Variants in SWAP70 observed in about 807,000 individuals in gnomAD.
The protein encoded by SWAP70 is switch-associated protein 70.
Under a neutral mutation model 80.2 loss-of-function variants are expected in SWAP70, and 34 were observed. That is an observed-to-expected ratio of 0.42 (90% CI 0.32 to 0.56). The LOEUF (loss-of-function observed/expected upper bound fraction) is 0.56, where lower values mean the gene tolerates loss of function less well. Ranked by LOEUF, SWAP70 falls within the 20% of genes least tolerant of loss-of-function variation. SWAP70 has a pLI of 0.09. For missense variants in SWAP70, 578 were observed against 690.7 expected (o/e 0.84, Z 1.83); for synonymous variants, 239 against 238.5 (o/e 1.00, Z -0.02).
intron 2 of SWAP70, among the ~76,000 whole-genome samples, chr11:9,705,612 G>A (rs944230861): frequency 7.0e-6 from 1 of 143,662 alleles, no homozygotes; most frequent in Admixed American, 6.7e-5. Flanking sequence ...GTATGCACTG[G>A]TGATCTGTAT....
intron 1 of SWAP70, among the ~76,000 whole-genome samples, chr11:9,692,149 G>A (rs1850704448): frequency 6.6e-6 from 1 of 151,512 alleles, no homozygotes; most frequent in African/African-American, 2.4e-5. Context: ...GCAGGTTAAT[G>A]TAGAAGAAAA....
intron 1 of SWAP70, among the ~76,000 whole-genome samples, chr11:9,690,462 C>T (rs1048550560): frequency 5.9e-5 from 9 of 151,874 alleles, no homozygotes; most frequent in Non-Finnish European, 1.3e-4. Context: ...CCTGTAATTC[C>T]GCTACTTGGG....
intron 2 of SWAP70, among the ~76,000 whole-genome samples, chr11:9,700,635 A>G (rs751813458): frequency 1.3e-5 from 2 of 152,208 alleles, no homozygotes; most frequent in African/African-American, 2.4e-5. Context: ...AGTGATAGGT[A>G]GATTTTTGAA....
intron 10 of SWAP70, among the ~76,000 whole-genome samples, chr11:9,748,703 A>AG (rs34552339): frequency 0.72 from 109,530 of 152,066 alleles, 39,841 homozygotes; most frequent in African/African-American, 0.83. Flanking sequence ...CCAGCTAGTG[A>AG]GGAGAATTAT....
chr11:9,714,674 G>A (rs1372860891), intron 3 of SWAP70, among the ~76,000 whole-genome samples: 2 of 152,112 alleles, frequency 1.3e-5, no homozygotes, highest in African/African-American at 4.8e-5. Flanking sequence ...AGCAACAGTA[G>A]GCAGTGTTTT....
intron 1 of SWAP70, among the ~76,000 whole-genome samples, chr11:9,679,590 C>G (rs929589594): frequency 5.3e-5 from 8 of 152,188 alleles, no homozygotes; most frequent in African/African-American, 1.9e-4. Flanking sequence ...GTAGATCAGA[C>G]TACATTGGAA....
intron 1 of SWAP70, among the ~76,000 whole-genome samples, chr11:9,691,029 C>T (rs1850691688): frequency 6.6e-6 from 1 of 152,092 alleles, no homozygotes. Flanking sequence ...CTCAGCCTCC[C>T]ATCTCAGCCT....
intron 7 of SWAP70, among the ~76,000 whole-genome samples, chr11:9,736,436 T>G (rs562249565): frequency 7.9e-6 from 1 of 126,778 alleles, no homozygotes; most frequent in South Asian, 2.3e-4. Context: ...CATAATTTCT[T>G]GTAGAAAACT....
chr11:9,724,185 G>A (rs1851177361), intron 3 of SWAP70, among the ~76,000 whole-genome samples: 1 of 152,206 alleles, frequency 6.6e-6, no homozygotes, highest in Admixed American at 6.5e-5. Context: ...CAACATTGTA[G>A]TGTTCCAGTG....
rs1851424133 is a variant in SWAP70 at position 9,740,603 on chromosome 11, T to C, written c.1355+256T>C. The stretch of plus-strand genomic sequence containing the variant: ...TTTTAGAGCAGTCTGGTAGGTATGT[T>C]TGATGAGGTACCCTTAGTCTTATTC... On this transcript the variant is annotated intron_variant, in intron 9 of 11. Transcript: ENST00000318950. 3 of 490,252 alleles carry C rather than the reference T, an allele frequency of 6.1e-6. No individual in the cohort carries two copies. The East Asian group carries it at 1.2e-4, about 19-fold the overall frequency. The allele number at this position is 490,252 out of a possible 1,614,324, so 30.4% of individuals were successfully genotyped here.
intron 8 of SWAP70, among the ~76,000 whole-genome samples, chr11:9,738,577 A>G (rs1851394604): frequency 2.0e-5 from 3 of 151,814 alleles, no homozygotes; most frequent in Admixed American, 2.0e-4. Context: ...CTAAGTGGAA[A>G]TTTATGGAGC....
At chr11:9,720,210 C>T (rs1363947096) in intron 3 of SWAP70, 5 of 985,170 alleles carry the variant, frequency 5.1e-6, no homozygotes, top group Non-Finnish European at 6.0e-6. Flanking sequence ...GGTTATGATA[C>T]GTATATGATT....
rs781537254 is a variant in SWAP70, at chr11:9,694,169, G to T, written c.123G>T (p.Thr41=). The change falls in exon 2 of 12, where the codon ACG becomes ACT. Residue 41 remains threonine, a synonymous_variant. Transcript: ENST00000318950. ...QLKVLSHNLC[T]VLKVPHDPVA... Reference sequence around the variant, plus strand: ...AGGTCCTTTCCCATAACCTGTGCACGGTGCTGAAGGTTCCTCATGACCCAG... The same window carrying T: ...AGGTCCTTTCCCATAACCTGTGCACTGTGCTGAAGGTTCCTCATGACCCAG... 1 of 1,609,032 alleles carries T rather than the reference G, an allele frequency of 6.2e-7. No homozygotes were observed. Among genetic ancestry groups the T allele is most frequent in the African/African-American group, 1.3e-5 (1 of 74,658 alleles).
intron 10 of SWAP70, 76 bp downstream of exon 10, chr11:9,748,132 T>C (rs1417280284): frequency 7.0e-7 from 1 of 1,421,032 alleles, no homozygotes; most frequent in African/African-American, 1.4e-5. Context: ...ATTATTTGCT[T>C]AGCTGCCAAT....
intron 4 of SWAP70, among the ~76,000 whole-genome samples, chr11:9,726,020 C>T (rs1448473499): frequency 6.6e-6 from 1 of 151,590 alleles, no homozygotes; most frequent in East Asian, 2.0e-4. Flanking sequence ...GTAGAGCTGT[C>T]AGGAAGGTGC....
At position 9,702,933 on chromosome 11, in the gene SWAP70, G is replaced by A. The variant is rs185081473; in HGVS notation, c.240+8647G>A. Among the ~76,000 whole-genome samples the A allele has an allele frequency of 2.7e-3, 405 of 152,226 alleles. 1 individual carries two copies. Among genetic ancestry groups the A allele is most frequent in the Non-Finnish European group, 4.4e-3 (296 of 68,010 alleles). On this transcript the variant is annotated intron_variant, in intron 2 of 11. Coordinates refer to ENST00000318950, the MANE Select transcript of SWAP70 (RefSeq NM_015055.4). ...TGTTTTTTAAAGTAACAGTTTTATT[G>A]AGATATAAATTACATACCATACAAT...
At chr11:9,671,383 T>A (rs1210711217) in intron 1 of SWAP70, among the ~76,000 whole-genome samples, 1 of 107,236 alleles carries the variant, frequency 9.3e-6, no homozygotes, top group Non-Finnish European at 1.7e-5. Flanking sequence ...AAAATAAAAA[T>A]ATATAAATAT....
intron 3 of SWAP70, chr11:9,720,022 T>G: frequency 1.0e-6 from 1 of 977,580 alleles, no homozygotes; most frequent in Non-Finnish European, 1.2e-6. Flanking sequence ...GAAACTTGCT[T>G]GGAAGGAGGA....
At chr11:9,665,799 C>T (rs573351253) in intron 1 of SWAP70, among the ~76,000 whole-genome samples, 6 of 152,154 alleles carry the variant, frequency 3.9e-5, no homozygotes, top group South Asian at 2.1e-4. Flanking sequence ...ATTTCCAGTT[C>T]GGGGGAGTTA....
Sources: allele counts gnomAD v4.1 joint callset (sites outside exome capture counted in the v4.1 genomes callset), GRCh38; gene constraint gnomAD v4.1.1; transcripts MANE v1.5; gene names NCBI Gene and HGNC (gene_info 2026-07-23, HGNC 2026-07-21).